The following MCCC2 variants were observed in gnomAD, a reference collection of about 807,000 sequenced individuals.
MCCC2 encodes the protein methylcrotonoyl-CoA carboxylase beta chain, mitochondrial.
Under a neutral mutation model 77.2 loss-of-function variants are expected in MCCC2, and 52 were observed. The ratio of observed to expected loss-of-function variants is 0.67; its 90% CI spans 0.54 to 0.85. The LOEUF (loss-of-function observed/expected upper bound fraction) is 0.85, where lower values mean the gene tolerates loss of function less well. MCCC2 is among the 40% of genes least tolerant of loss of function. The probability of loss-of-function intolerance (pLI) is 0.00; values close to 1 mark genes in which losing one functional copy is unlikely to be tolerated. For missense variants in MCCC2, 682 were observed against 703.2 expected, an observed-to-expected ratio of 0.97 and a Z score of 0.34; for synonymous variants, 253 against 248.4, an observed-to-expected ratio of 1.02 and a Z score of -0.18.
intron 12 of MCCC2, 49 bp from the exon 13 acceptor site, chr5:71,646,162 A>G (rs192580677): frequency 6.8e-7 from 1 of 1,477,754 alleles, no homozygotes; most frequent in East Asian, 2.3e-5. Flanking sequence ...GCATGATGAT[A>G]ATAGAGTTAA....
chr5:71,620,991 G>A (rs1746331255), intron 6 of MCCC2, among the ~76,000 whole-genome samples: 1 of 152,158 alleles, frequency 6.6e-6, no homozygotes, highest in Non-Finnish European at 1.5e-5. Flanking sequence ...TCCCTGTGAT[G>A]TCTGTCCTGG....
chr5:71,624,041 G>A (rs995503081), intron 6 of MCCC2, among the ~76,000 whole-genome samples: 5 of 152,176 alleles, frequency 3.3e-5, no homozygotes, highest in Admixed American at 2.6e-4. Context: ...TAACTCTGGA[G>A]GCTGGAAGTC....
At chr5:71,613,410 G>A (rs1299525762) in intron 6 of MCCC2, among the ~76,000 whole-genome samples, 3 of 152,224 alleles carry the variant, frequency 2.0e-5, no homozygotes, top group Non-Finnish European at 4.4e-5. Flanking sequence ...CTTGGAATAA[G>A]CAATACCTGC....
At chr5:71,646,171 A>C (rs202205539) in intron 12 of MCCC2, 40 bp from the exon 13 acceptor site, 9 of 1,535,962 alleles carry the variant, frequency 5.9e-6, no homozygotes, top group Non-Finnish European at 9.0e-7. Flanking sequence ...TAATAGAGTT[A>C]ATTCCCTTTT....
In MCCC2 at chr5:71,633,121, ATATATATATATT is replaced by A. The variant is rs1348952473; in HGVS notation, c.803+938_803+949del. On this transcript the variant is annotated intron_variant, in intron 8 of 16. Transcript: ENST00000340941. ...TATATATATATATATATATATATAT[ATATATATATATT>A]TTTATTTTTTGTAGAAACAGGTGTC... 2.5e-3 allele frequency among the ~76,000 whole-genome samples: 74 copies of A among 29,820 alleles called. 1 individual carries two copies. The highest frequency in any genetic ancestry group is 6.0e-3 in the African/African-American group (72 of 11,926). 19.6% of individuals were successfully genotyped at this position (29,820 alleles called of 152,430 possible).
chr5:71,599,913 C>T (rs1327456622), intron 4 of MCCC2, among the ~76,000 whole-genome samples, 153 bp downstream of exon 4: 1 of 152,186 alleles, frequency 6.6e-6, no homozygotes, highest in Admixed American at 6.5e-5. Context: ...CGCCTGTAAT[C>T]CCAGCACTTT....
At chr5:71,632,075 A>G (rs1327601721) in intron 7 of MCCC2, 46 bp from the exon 8 acceptor site, 6 of 1,562,298 alleles carry the variant, frequency 3.8e-6, no homozygotes, top group Admixed American at 1.7e-5. Flanking sequence ...GCATTTTTAT[A>G]TGTCTGATGG....
chr5:71,646,626 A>G (rs911040863), intron 13 of MCCC2, among the ~76,000 whole-genome samples: 1 of 152,136 alleles, frequency 6.6e-6, no homozygotes, highest in African/African-American at 2.4e-5. Flanking sequence ...TTGTTCTCCC[A>G]AAGTGCTGAT....
At chr5:71,615,226 C>G (rs1206609020) in intron 6 of MCCC2, among the ~76,000 whole-genome samples, 1 of 152,224 alleles carries the variant, frequency 6.6e-6, no homozygotes, top group Non-Finnish European at 1.5e-5. Flanking sequence ...ACCTCGACCT[C>G]CCAGAGTGCT....
intron 5 of MCCC2, among the ~76,000 whole-genome samples, chr5:71,603,790 T>C (rs1397965136): frequency 2.0e-5 from 3 of 152,342 alleles, no homozygotes; most frequent in African/African-American, 7.2e-5. Flanking sequence ...TCTATACATT[T>C]TTCAAGTCAT....
At chr5:71,646,799 C>T (rs956006252) in intron 13 of MCCC2, among the ~76,000 whole-genome samples, 2 of 152,230 alleles carry the variant, frequency 1.3e-5, no homozygotes, top group African/African-American at 4.8e-5. Flanking sequence ...ATGATCTGAT[C>T]ACTGCAGAGA....
At chr5:71,641,431 C>T (rs1272461416) in intron 11 of MCCC2, 1 of 310,260 alleles carries the variant, frequency 3.2e-6, no homozygotes, top group Non-Finnish European at 6.1e-6. Flanking sequence ...GCACTGTTTC[C>T]TTTGTTCTTT....
chr5:71,652,711 A>C lies in MCCC2; in HGVS notation c.1531A>C (p.Lys511Gln), dbSNP rs369673927. Reference protein sequence around the residue: ...DEAALKEPIIKKFEEEGNPYY... With the variant: ...DEAALKEPIIQKFEEEGNPYY... Reference sequence around the variant, plus strand: ...AGCGGCTTTAAAAGAGCCCATCATTAAGAAGTTTGAAGAGGAAGGAAACCC... The same window carrying C: ...AGCGGCTTTAAAAGAGCCCATCATTCAGAAGTTTGAAGAGGAAGGAAACCC... The change falls in exon 16 of 17, where the codon AAG becomes CAG. Residue 511 changes from lysine (K) to glutamine (Q), a missense_variant. By Grantham distance (53) the Lys-to-Gln change is moderately conservative (BLOSUM62 1). Coordinates refer to ENST00000340941, the MANE Select transcript of MCCC2 (RefSeq NM_022132.5). 1.9e-6 allele frequency: 3 copies of C among 1,614,076 alleles called. No individual in the cohort carries two copies. The African/African-American group carries it at 4.0e-5, about 22-fold the overall frequency.
chr5:71,606,477 T>C (rs1413693568), intron 6 of MCCC2, among the ~76,000 whole-genome samples: 4 of 148,622 alleles, frequency 2.7e-5, no homozygotes, highest in Non-Finnish European at 4.5e-5. Context: ...GATTTTGGGC[T>C]GAGACAATGG....
At chr5:71,623,832 C>T (rs748369046) in intron 6 of MCCC2, among the ~76,000 whole-genome samples, 2 of 152,112 alleles carry the variant, frequency 1.3e-5, no homozygotes, top group African/African-American at 2.4e-5. Flanking sequence ...AGAAATGTGT[C>T]GGAAGTGCCC....
At chr5:71,598,564 C>T (rs567085354) in intron 3 of MCCC2, among the ~76,000 whole-genome samples, 10 of 151,482 alleles carry the variant, frequency 6.6e-5, no homozygotes, top group Admixed American at 3.9e-4. Flanking sequence ...CTCAGCCTCC[C>T]GAGTAGCTGG....
chr5:71,628,582 C>T (rs1052246343), intron 7 of MCCC2, among the ~76,000 whole-genome samples: 1 of 152,162 alleles, frequency 6.6e-6, no homozygotes, highest in Non-Finnish European at 1.5e-5. Context: ...AGGGCTCCAG[C>T]ATTGCTCTAT....
chr5:71,648,845 T>C (rs919625875), intron 13 of MCCC2, among the ~76,000 whole-genome samples: 1 of 152,230 alleles, frequency 6.6e-6, no homozygotes, highest in Non-Finnish European at 1.5e-5. Context: ...GATTGCATCC[T>C]CATATTGTTT....
rs550928066 is a variant in MCCC2 at position 71,588,083 on chromosome 5, A to G, written c.129+529A>G. 1.3e-4 allele frequency among the ~76,000 whole-genome samples: 20 copies of G among 152,172 alleles called. No homozygotes were observed. In the South Asian group the frequency reaches 3.9e-3, roughly 30 times the overall value. ...CAGGAGTTCGAGAACAGCCTGGCCAACGTGGTGAAACCCCATCTCTACTAA... is the reference window on the plus strand; with the variant it reads ...CAGGAGTTCGAGAACAGCCTGGCCAGCGTGGTGAAACCCCATCTCTACTAA... On this transcript the variant is annotated intron_variant, in intron 1 of 16. Transcript: ENST00000340941.
Sources: gnomAD v4.1 joint callset for allele counts (sites outside exome capture counted in the v4.1 genomes callset) on GRCh38, gnomAD v4.1.1 for gene constraint, MANE v1.5 for transcripts, NCBI Gene and HGNC (gene_info 2026-07-23, HGNC 2026-07-21) for gene names.